Variants in USP32 observed in about 807,000 individuals in gnomAD.
The protein encoded by USP32 is ubiquitin specific peptidase 32.
USP32 carries 59 observed loss-of-function variants against 204.8 expected under a neutral mutation model. The observed-to-expected ratio is 0.29, with a 90% CI of 0.23 to 0.36. The LOEUF (loss-of-function observed/expected upper bound fraction) is 0.36, where lower values mean the gene tolerates loss of function less well. Among genes scored for constraint, USP32 ranks in the 10% least tolerant of loss-of-function variants. The pLI, the probability that USP32 is intolerant of heterozygous loss-of-function variation, is 1.00. For synonymous variants in USP32, 517 were observed against 678.4 expected (o/e 0.76, Z 3.70); for missense variants, 1,160 against 1,946.4 (o/e 0.60, Z 7.60).
chr17:60,406,050 G>A (rs1315207243), intron 1 of USP32, among the ~76,000 whole-genome samples: 1 of 151,308 alleles, frequency 6.6e-6, no homozygotes, highest in Non-Finnish European at 1.5e-5. Context: ...TCAGCTACTT[G>A]GGAGGCTGAG....
chr17:60,253,640 C>A (rs563714590), intron 10 of USP32, among the ~76,000 whole-genome samples: 1 of 152,174 alleles, frequency 6.6e-6, no homozygotes, highest in Admixed American at 6.5e-5. Flanking sequence ...GTGGCACACG[C>A]CTGTAATCCC....
intron 6 of USP32, among the ~76,000 whole-genome samples, chr17:60,270,706 C>T (rs1468084259): frequency 6.6e-6 from 1 of 151,728 alleles, no homozygotes; most frequent in Non-Finnish European, 1.5e-5. Context: ...TCCTGTAATC[C>T]CAGCTACTTG....
At chr17:60,273,025 G>A in intron 5 of USP32, among the ~76,000 whole-genome samples, 1 of 152,200 alleles carries the variant, frequency 6.6e-6, no homozygotes. Flanking sequence ...CTGGAGTGCA[G>A]TGGCGTGATC....
intron 2 of USP32, 104 bp from the exon 3 acceptor site, chr17:60,301,808 C>T: frequency 2.7e-6 from 2 of 744,760 alleles, no homozygotes; most frequent in Admixed American, 3.1e-5. Flanking sequence ...CCACAACAGG[C>T]CCTGGTAAAT....
In USP32 at chr17:60,297,290, T is replaced by C. The variant is rs1158245002; in HGVS notation, c.293-2489A>G. Reference sequence around the variant, plus strand: ...GGTACGTGCCTCTAGTCCCAGCTACTCAGAAGGCTGAAACAGGAGGATCAC... The same window carrying C: ...GGTACGTGCCTCTAGTCCCAGCTACCCAGAAGGCTGAAACAGGAGGATCAC... On this transcript the variant is annotated intron_variant, in intron 3 of 33. Transcript: ENST00000300896. Among the ~76,000 whole-genome samples the C allele has an allele frequency of 3.3e-5, 5 of 152,032 alleles. No homozygotes were observed. The South Asian group carries it at 8.3e-4, about 25-fold the overall frequency.
intron 1 of USP32, among the ~76,000 whole-genome samples, chr17:60,403,505 G>A (rs1019113118): frequency 6.6e-6 from 1 of 152,120 alleles, no homozygotes; most frequent in East Asian, 1.9e-4. Flanking sequence ...TGCATACACC[G>A]TTTCTTCTAA....
rs202088578 is a variant in USP32, at chr17:60,371,084, AAATT to A, written c.58+20794_58+20797del. ...TCTCTACAATAAAAATAAAAATAAT[AAATT>A]AATTAATTAAAAACAATTAGCTGGG... On this transcript the variant is annotated intron_variant, in intron 1 of 33. Coordinates refer to ENST00000300896, the MANE Select transcript of USP32 (RefSeq NM_032582.4). 9.3e-3 allele frequency among the ~76,000 whole-genome samples: 1,415 copies of A among 151,518 alleles called. 30 individuals are homozygous for A. The highest frequency in any genetic ancestry group is 0.033 in the African/African-American group (1,358 of 41,328).
intron 1 of USP32, among the ~76,000 whole-genome samples, chr17:60,346,237 G>A (rs1287499429): frequency 3.9e-5 from 6 of 151,952 alleles, no homozygotes; most frequent in East Asian, 1.9e-4. Context: ...GAGCCAGCAC[G>A]CCAAGCCAAA....
intron 1 of USP32, among the ~76,000 whole-genome samples, chr17:60,389,754 T>C (rs1052095492): frequency 2.6e-5 from 4 of 151,528 alleles, no homozygotes; most frequent in East Asian, 3.9e-4. Context: ...CGGTGGCTCA[T>C]GCCTGTAATC....
chr17:60,405,854 C>G (rs570862912), intron 1 of USP32, among the ~76,000 whole-genome samples: 2 of 152,192 alleles, frequency 1.3e-5, no homozygotes, highest in African/African-American at 4.8e-5. Flanking sequence ...GAATTTTATT[C>G]TTTCAAAGGT....
intron 12 of USP32, among the ~76,000 whole-genome samples, chr17:60,228,754 G>A (rs947106960): frequency 1.3e-5 from 2 of 151,974 alleles, no homozygotes; most frequent in Non-Finnish European, 2.9e-5. Context: ...AACCCAGGGG[G>A]TGGAGGTTGA....
At chr17:60,353,949 T>A (rs2089011730) in intron 1 of USP32, among the ~76,000 whole-genome samples, 1 of 152,230 alleles carries the variant, frequency 6.6e-6, no homozygotes, top group Non-Finnish European at 1.5e-5. Flanking sequence ...ATTAACCTTT[T>A]CTGCAGTGAC....
intron 11 of USP32, among the ~76,000 whole-genome samples, chr17:60,246,238 T>C (rs1206711532): frequency 6.6e-6 from 1 of 152,122 alleles, no homozygotes; most frequent in African/African-American, 2.4e-5. Context: ...GAGATCAACT[T>C]TTTTAGCTCC....
chr17:60,422,219 G>T, intron 1 of USP32: 1 of 310,160 alleles, frequency 3.2e-6, no homozygotes. Flanking sequence ...TGGCACACGT[G>T]CAGGAAAATG....
At chr17:60,309,664 C>T (rs950616122) in intron 2 of USP32, among the ~76,000 whole-genome samples, 2 of 152,060 alleles carry the variant, frequency 1.3e-5, no homozygotes, top group African/African-American at 4.8e-5. Flanking sequence ...AAATGACCAA[C>T]AGGTACATGA....
chr17:60,366,949 G>T (rs940875634), intron 1 of USP32, among the ~76,000 whole-genome samples: 1 of 151,816 alleles, frequency 6.6e-6, no homozygotes, highest in African/African-American at 2.4e-5. Context: ...TAAGCCTCCC[G>T]AGTAGCTGGG....
chr17:60,223,324 G>A, intron 14 of USP32, 87 bp downstream of exon 14: 1 of 1,101,138 alleles, frequency 9.1e-7, no homozygotes, highest in East Asian at 2.4e-5. Context: ...AACCATCAAT[G>A]TTTTGCTATG....
intron 31 of USP32, among the ~76,000 whole-genome samples, chr17:60,182,725 C>T (rs1470323265): frequency 1.3e-5 from 2 of 152,028 alleles, no homozygotes; most frequent in East Asian, 1.9e-4. Context: ...ATCTGTGTTG[C>T]ACCACTGCAC....
At chr17:60,422,031 CAGCACGG>C in intron 1 of USP32, 1 of 854,556 alleles carries the variant, frequency 1.2e-6, no homozygotes, top group Non-Finnish European at 1.4e-6. Context: ...ACCCAGCACC[CAGCACGG>C]AGGGCTTATT....
Sources: allele counts gnomAD v4.1 joint callset (sites outside exome capture counted in the v4.1 genomes callset), GRCh38; gene constraint gnomAD v4.1.1; transcripts MANE v1.5; gene names NCBI Gene and HGNC (gene_info 2026-07-23, HGNC 2026-07-21).